Variants in ECPAS observed in about 807,000 individuals in gnomAD.
ECPAS encodes proteasome adapter and scaffold protein ECM29.
A neutral mutation model predicts 255.1 loss-of-function variants in ECPAS; 70 were observed. The observed-to-expected ratio is 0.27, with a 90% CI of 0.23 to 0.33. The LOEUF is 0.33. Among genes scored for constraint, ECPAS ranks in the 10% least tolerant of loss-of-function variants. The probability of loss-of-function intolerance (pLI) is 1.00; values close to 1 mark genes in which losing one functional copy is unlikely to be tolerated. For missense variants in ECPAS, 1,817 were observed against 2,206.4 expected (o/e 0.82, Z 3.54); for synonymous variants, 784 against 775.0 (o/e 1.01, Z -0.19).
chr9:111,420,167 A>AG, intron 15 of ECPAS, 47 bp from the exon 16 acceptor site: 1 of 1,115,310 alleles, frequency 9.0e-7, no homozygotes, highest in Non-Finnish European at 1.3e-6. Context: ...CCGAAAAAGG[A>AG]AAAAAAAAAT....
intron 2 of ECPAS, among the ~76,000 whole-genome samples, chr9:111,468,318 A>G (rs1283280875): frequency 1.3e-5 from 2 of 152,212 alleles, no homozygotes; most frequent in Non-Finnish European, 2.9e-5. Context: ...TCTGTTGACC[A>G]AGATTCCAAA....
chr9:111,452,006 C>A (rs1190091866), intron 2 of ECPAS, among the ~76,000 whole-genome samples: 1 of 152,164 alleles, frequency 6.6e-6, no homozygotes, highest in African/African-American at 2.4e-5. Flanking sequence ...ATTAGGGTTA[C>A]CTAGTTAGAA....
intron 31 of ECPAS, 25 bp downstream of exon 31, chr9:111,389,531 A>G: frequency 6.2e-7 from 1 of 1,602,434 alleles, no homozygotes; most frequent in Non-Finnish European, 8.5e-7. Context: ...GTGTTTTCCT[A>G]ACACAGGGGT....
intron 31 of ECPAS, among the ~76,000 whole-genome samples, chr9:111,386,850 C>T (rs568361164): frequency 7.2e-5 from 11 of 152,358 alleles, no homozygotes; most frequent in South Asian, 4.1e-4. Flanking sequence ...CTAACTCCTA[C>T]TTGTCCTTCA....
chr9:111,438,826 G>T (rs541382654), intron 6 of ECPAS, among the ~76,000 whole-genome samples: 2 of 152,278 alleles, frequency 1.3e-5, no homozygotes, highest in African/African-American at 2.4e-5. Flanking sequence ...AAACAAGAGG[G>T]GCAGGAGGAG....
chr9:111,482,870 G>A (rs1210533777), intron 1 of ECPAS, among the ~76,000 whole-genome samples: 1 of 152,116 alleles, frequency 6.6e-6, no homozygotes, highest in Non-Finnish European at 1.5e-5. Context: ...GCTCTCCCCA[G>A]ACAGGGACCG....
intron 1 of ECPAS, among the ~76,000 whole-genome samples, chr9:111,479,524 T>C (rs185198212): frequency 6.6e-5 from 10 of 151,966 alleles, no homozygotes; most frequent in Admixed American, 5.2e-4. Context: ...ACCCAGGATG[T>C]GGAGGTTGCA....
intron 24 of ECPAS, among the ~76,000 whole-genome samples, chr9:111,397,708 C>T (rs987883790): frequency 6.6e-6 from 1 of 152,126 alleles, no homozygotes; most frequent in Non-Finnish European, 1.5e-5. Context: ...ATTTATTTAA[C>T]AATTATTTAA....
intron 2 of ECPAS, among the ~76,000 whole-genome samples, chr9:111,466,976 A>G (rs1171189839): frequency 6.6e-6 from 1 of 152,220 alleles, no homozygotes; most frequent in Admixed American, 6.5e-5. Flanking sequence ...CTATCTAAAG[A>G]CGAAGAAGGA....
At chr9:111,390,987 A>G (rs1287994837) in intron 29 of ECPAS, among the ~76,000 whole-genome samples, 1 of 152,144 alleles carries the variant, frequency 6.6e-6, no homozygotes, top group East Asian at 1.9e-4. Context: ...CTGCCCTGAG[A>G]GCCCAACATC....
chr9:111,375,095 T>A lies in ECPAS; in HGVS notation c.4110+18A>T. Reference sequence around the variant, plus strand: ...ACTAATGAAGATGCACATTTCCTCTTGTGGAAAGTACACTTACCTTAGTTC... The same window carrying A: ...ACTAATGAAGATGCACATTTCCTCTAGTGGAAAGTACACTTACCTTAGTTC... On this transcript the variant is annotated intron_variant, in intron 38 of 49. Coordinates refer to ENST00000684092, the MANE Select transcript of ECPAS (RefSeq NM_001364929.1). The A allele has an allele frequency of 1.3e-6, 2 of 1,574,868 alleles. No individual in the cohort carries two copies. The highest frequency in any genetic ancestry group is 2.2e-5 in the South Asian group (2 of 90,292).
chr9:111,379,558 A>G (rs975366234), intron 35 of ECPAS, among the ~76,000 whole-genome samples: 6 of 152,296 alleles, frequency 3.9e-5, no homozygotes, highest in Admixed American at 1.3e-4. Flanking sequence ...TAAGTCAACA[A>G]TGAAGTTCGC....
intron 2 of ECPAS, among the ~76,000 whole-genome samples, chr9:111,468,400 T>C (rs1364413006): frequency 1.3e-5 from 2 of 152,106 alleles, no homozygotes; most frequent in African/African-American, 2.4e-5. Context: ...AATTATAACA[T>C]GGTTTAAGCG....
intron 27 of ECPAS, 76 bp downstream of exon 27, chr9:111,393,604 T>G (rs1299934066): frequency 3.1e-6 from 3 of 956,956 alleles, no homozygotes; most frequent in Non-Finnish European, 4.9e-6. Flanking sequence ...TTTTCTTTCA[T>G]GTTCATTAAT....
chr9:111,362,504 G>C (rs1157721307), intron 49 of ECPAS, among the ~76,000 whole-genome samples: 2 of 151,614 alleles, frequency 1.3e-5, no homozygotes, highest in Non-Finnish European at 2.9e-5. Context: ...CAGCAAAAAA[G>C]TCATTTCAAC....
At chr9:111,411,260 T>C (rs2098193873) in intron 21 of ECPAS, 118 bp from the exon 22 acceptor site, 3 of 1,052,336 alleles carry the variant, frequency 2.9e-6, no homozygotes, top group Non-Finnish European at 4.2e-6. Flanking sequence ...GGCTAAAGAA[T>C]AAAGTGAACA....
At chr9:111,443,015 A>G (rs1263625745) in intron 4 of ECPAS, among the ~76,000 whole-genome samples, 1 of 152,248 alleles carries the variant, frequency 6.6e-6, no homozygotes, top group Non-Finnish European at 1.5e-5. Flanking sequence ...ATGAGTGCCA[A>G]CAAGACACAC....
intron 12 of ECPAS, among the ~76,000 whole-genome samples, chr9:111,424,301 A>G (rs1175903263): frequency 1.3e-5 from 2 of 152,192 alleles, no homozygotes. Context: ...AACTCATTCA[A>G]TCTTCACAGT....
intron 1 of ECPAS, among the ~76,000 whole-genome samples, chr9:111,481,106 T>C (rs576855158): frequency 3.7e-4 from 56 of 152,356 alleles, no homozygotes; most frequent in Non-Finnish European, 5.1e-4. Context: ...GGATGGTTAC[T>C]ACTGACAATA....
Sources: allele counts gnomAD v4.1 joint callset (sites outside exome capture counted in the v4.1 genomes callset), GRCh38; gene constraint gnomAD v4.1.1; transcripts MANE v1.5; gene names NCBI Gene and HGNC (gene_info 2026-07-23, HGNC 2026-07-21).